ACKR3: variants seen among roughly 807,000 people sequenced by gnomAD.
ACKR3 encodes the protein atypical chemokine receptor 3.
A neutral mutation model predicts 22.4 loss-of-function variants in ACKR3; 6 were observed. The ratio of observed to expected loss-of-function variants is 0.27; its 90% confidence interval spans 0.15 to 0.53. ACKR3 has a LOEUF of 0.53. Ranked by LOEUF, ACKR3 falls within the 20% of genes least tolerant of loss-of-function variation. The probability of loss-of-function intolerance (pLI) is 0.96; values close to 1 mark genes in which losing one functional copy is unlikely to be tolerated. For missense variants in ACKR3, 396 were observed against 475.2 expected (o/e 0.83, Z 1.55); for synonymous variants, 209 against 205.2 (o/e 1.02, Z -0.16).
intron 1 of ACKR3, among the ~76,000 whole-genome samples, chr2:236,571,187 T>A (rs1691300126): frequency 6.6e-6 from 1 of 152,246 alleles, no homozygotes; most frequent in East Asian, 1.9e-4. Flanking sequence ...AATATGAGCT[T>A]TCCCCAGATG....
chr2:236,538,675 A>G, the ACKR3 span, among the ~76,000 whole-genome samples: 2 of 152,256 alleles, frequency 1.3e-5, no homozygotes, highest in African/African-American at 4.8e-5. Flanking sequence ...TTAAAAAGCC[A>G]ACAGCAAACT....
chr2:236,540,195 G>A, the ACKR3 span, among the ~76,000 whole-genome samples: 4 of 152,252 alleles, frequency 2.6e-5, no homozygotes, highest in East Asian at 1.9e-4. Context: ...AACACTCGAC[G>A]TTGTCTGTGT....
the ACKR3 span, among the ~76,000 whole-genome samples, chr2:236,554,230 G>A: frequency 2.6e-5 from 4 of 152,180 alleles, no homozygotes; most frequent in African/African-American, 9.7e-5. Flanking sequence ...ATACAAATAT[G>A]TATAATGTGG....
chr2:236,575,775 T>C (rs946102532), intron 1 of ACKR3, among the ~76,000 whole-genome samples: 7 of 152,170 alleles, frequency 4.6e-5, no homozygotes, highest in African/African-American at 1.7e-4. Flanking sequence ...CTCACAGCTG[T>C]ATTATATTCC....
the ACKR3 span, among the ~76,000 whole-genome samples, chr2:236,559,907 A>G: frequency 6.6e-6 from 1 of 152,236 alleles, no homozygotes; most frequent in Non-Finnish European, 1.5e-5. Context: ...TATTGAAAAT[A>G]CCACACTAGG....
At chr2:236,556,606 A>T in the ACKR3 span, among the ~76,000 whole-genome samples, 1 of 152,236 alleles carries the variant, frequency 6.6e-6, no homozygotes, top group African/African-American at 2.4e-5. Flanking sequence ...GCAGCCCCAA[A>T]GCCTCCAGAA....
intron 1 of ACKR3, among the ~76,000 whole-genome samples, chr2:236,578,210 C>T (rs1432398010): frequency 6.6e-6 from 1 of 152,206 alleles, no homozygotes; most frequent in African/African-American, 2.4e-5. Context: ...TGCCCGTCCA[C>T]CCTGGAGGCA....
intron 1 of ACKR3, among the ~76,000 whole-genome samples, chr2:236,575,890 T>C (rs1173503664): frequency 6.6e-6 from 1 of 152,022 alleles, no homozygotes; most frequent in African/African-American, 2.4e-5. Context: ...AAAAACATCT[T>C]GTGTACATTT....
intron 1 of ACKR3, among the ~76,000 whole-genome samples, chr2:236,576,918 C>T (rs1691423322): frequency 6.6e-6 from 1 of 152,218 alleles, no homozygotes; most frequent in Non-Finnish European, 1.5e-5. Flanking sequence ...TTTGAATTTG[C>T]AGAGGACTTG....
the ACKR3 span, among the ~76,000 whole-genome samples, chr2:236,539,120 A>G: frequency 6.6e-6 from 1 of 151,972 alleles, no homozygotes; most frequent in African/African-American, 2.4e-5. Flanking sequence ...TTTATTATTG[A>G]GTAGTATTCT....
the ACKR3 span, among the ~76,000 whole-genome samples, chr2:236,557,256 ATGTGTG>A: frequency 1.2e-4 from 17 of 138,418 alleles, no homozygotes; most frequent in Admixed American, 7.7e-4. Flanking sequence ...ATGTGAACGT[ATGTGTG>A]TGTGTGTGTG....
At chr2:236,556,149 C>T in the ACKR3 span, among the ~76,000 whole-genome samples, 12 of 152,096 alleles carry the variant, frequency 7.9e-5, no homozygotes, top group Admixed American at 6.5e-5. Context: ...AAGGATCACC[C>T]AGTCGGGGTA....
At position 236,580,829 on chromosome 2, in the gene ACKR3, C is replaced by T. The variant is rs1559473943; in HGVS notation, c.364C>T (p.Leu122Phe). ...CGAGCTCACGTGCAAAGTCACACAC[C>T]TCATCTTCTCCATCAACCTCTTCGG... ...MGELTCKVTH[L>F]IFSINLFGSI... The change falls in exon 2 of 2, where the codon CTC (leucine) becomes TTC (phenylalanine). Residue 122 changes from leucine to phenylalanine, a missense_variant. Coordinates refer to ENST00000272928, the MANE Select transcript of ACKR3 (RefSeq NM_020311.3). 6.2e-7 allele frequency: 1 copy of T among 1,614,200 alleles called. No individual in the cohort carries two copies. The highest frequency in any genetic ancestry group is 1.7e-5 in the Admixed American group (1 of 60,028).
chr2:236,571,618 G>GAAAGA (rs1691311760), intron 1 of ACKR3, among the ~76,000 whole-genome samples: 1 of 76,596 alleles, frequency 1.3e-5, no homozygotes, highest in Non-Finnish European at 2.5e-5. Flanking sequence ...CTTTCTGAAT[G>GAAAGA]AAAAAAAAAA....
upstream of ACKR3, chr2:236,567,648 T>A (rs1490124506): frequency 1.3e-5 from 2 of 152,260 alleles, no homozygotes; most frequent in African/African-American, 4.8e-5. Context: ...CCTCCCAGGG[T>A]GGGAGCCTGG....
In ACKR3 at chr2:236,581,635, A is replaced by T; in HGVS notation, c.*81A>T. On this transcript the variant is annotated 3_prime_UTR_variant, in exon 2 of 2. Coordinates refer to ENST00000272928, the MANE Select transcript of ACKR3 (RefSeq NM_020311.3). This position sits in a 1 kb window ranked among gnomAD's most constrained non-coding sequence, Gnocchi z 4.4. Reference sequence around the variant, plus strand: ...CCCTATGGTTTTCTAGAGCAAAGCAAAGTAGCTTCGGGTCTTGATGCTTGA... The same window carrying T: ...CCCTATGGTTTTCTAGAGCAAAGCATAGTAGCTTCGGGTCTTGATGCTTGA... 1 of 1,516,584 alleles carries T rather than the reference A, an allele frequency of 6.6e-7. No individual in the cohort carries two copies. The allele number at this position is 1,516,584 out of a possible 1,614,324, so 93.9% of individuals were successfully genotyped here.
chr2:236,564,384 C>T (rs1231766579), upstream of ACKR3, among the ~76,000 whole-genome samples: 2 of 152,206 alleles, frequency 1.3e-5, no homozygotes. Flanking sequence ...GCTTTTGTTG[C>T]TTCGTTCTTT....
chr2:236,547,146 A>G, the ACKR3 span, among the ~76,000 whole-genome samples: 4 of 152,368 alleles, frequency 2.6e-5, no homozygotes, highest in South Asian at 8.3e-4. Context: ...AGACCTCAGC[A>G]ATAATGATTC....
At chr2:236,575,560 TGTGTGTCTGGGGTTGTGCTGTGTGTGC>T (rs1691395396) in intron 1 of ACKR3, among the ~76,000 whole-genome samples, 1 of 133,054 alleles carries the variant, frequency 7.5e-6, no homozygotes, top group African/African-American at 3.4e-5. Context: ...TGTGTGTGTG[TGTGTGTCTGGGGTTGTGCTGTGTGTGC>T]GTGTGTCTGG....
Sources: gnomAD v4.1 joint callset for allele counts (sites outside exome capture counted in the v4.1 genomes callset) on GRCh38, gnomAD v4.1.1 for gene constraint, Gnocchi (gnomAD v3.1) non-coding constraint, MANE v1.5 for transcripts, NCBI Gene and HGNC (gene_info 2026-07-23, HGNC 2026-07-21) for gene names.